Variants in BCAR1 observed in about 807,000 individuals in gnomAD.
BCAR1 encodes breast cancer anti-estrogen resistance protein 1.
BCAR1 carries 30 observed loss-of-function variants against 67.6 expected under a neutral mutation model. The observed-to-expected ratio is 0.44, with a 90% confidence interval of 0.33 to 0.60. The LOEUF (loss-of-function observed/expected upper bound fraction) is 0.60. Among genes scored for constraint, BCAR1 ranks in the 20% least tolerant of loss-of-function variants. BCAR1 has a pLI of 0.02. For missense variants in BCAR1, 1,313 were observed against 1,222.3 expected (o/e 1.07, Z -1.11); for synonymous variants, 626 against 556.7 (o/e 1.12, Z -1.75).
At position 75,229,250 on chromosome 16, in the gene BCAR1, C is replaced by G. The variant is rs192598389; in HGVS notation, c.*261G>C. 3.1e-5 allele frequency: 15 copies of G among 491,582 alleles called. No homozygotes were observed. The Admixed American group carries it at 5.3e-4, about 17-fold the overall frequency. The allele number at this position is 491,582 out of a possible 1,614,324, so 30.5% of individuals were successfully genotyped here. The stretch of plus-strand genomic sequence containing the variant: ...CTGCAGGACCCTCACACTCCAGCCC[C>G]GTCTGGTGACCCAACCCGGGCCCGT... On this transcript the variant is annotated 3_prime_UTR_variant, in exon 7 of 7. Coordinates refer to ENST00000162330, the MANE Select transcript of BCAR1 (RefSeq NM_014567.5).
At chr16:75,248,249 TCCTGTCCACGCCC>T in intron 1 of BCAR1, 1 of 1,485,398 alleles carries the variant, frequency 6.7e-7, no homozygotes, top group Non-Finnish European at 8.9e-7. Context: ...TTCCCACCCC[TCCTGTCCACGCCC>T]CCAACGCACA....
At chr16:75,265,934 C>G (rs1597296987) in intron 1 of BCAR1, 19 of 1,094,468 alleles carry the variant, frequency 1.7e-5, no homozygotes, top group Non-Finnish European at 2.1e-5. Flanking sequence ...GGGGTCCCGG[C>G]GCTTTCCGGC....
intron 2 of BCAR1, chr16:75,238,856 CG>C (rs2077235780): frequency 2.0e-6 from 2 of 985,280 alleles, no homozygotes; most frequent in Admixed American, 1.2e-4. Context: ...CCTCGAGGCA[CG>C]GCCTGAGGCT....
At chr16:75,257,590 G>A (rs1597277896) in intron 1 of BCAR1, among the ~76,000 whole-genome samples, 2 of 152,228 alleles carry the variant, frequency 1.3e-5, no homozygotes, top group East Asian at 1.9e-4. Flanking sequence ...GACTAGCTGG[G>A]TCTACAGGTG....
At chr16:75,236,583 C>A in intron 4 of BCAR1, 1 of 473,650 alleles carries the variant, frequency 2.1e-6, no homozygotes, top group Non-Finnish European at 3.6e-6. Flanking sequence ...ATTACTAGTC[C>A]CCCCTTCACT....
Position 75,242,970 on chromosome 16 carries a change from G to C in BCAR1, c.133C>G (p.Leu45Val). Residue 45 changes from leucine (L) to valine (V), a missense_variant, in exon 2 of 7, where the codon CTC (leucine) becomes GTC (valine). Physicochemically the swap from Leu to Val is conservative, Grantham distance 32. This residue lies in a region of BCAR1 where 41 missense variants were observed against 84.8 expected (regional missense o/e 0.48). Coordinates refer to ENST00000162330, the MANE Select transcript of BCAR1 (RefSeq NM_014567.5). Reference protein sequence around the residue: ...QDTQGLDGWWLCSLHGRQGIV... With the variant: ...QDTQGLDGWWVCSLHGRQGIV... Reference sequence around the variant, plus strand: ...CCCTGGCGCCCATGCAGCGAGCAGAGCCACCAGCCGTCCAGGCCCTGCGTG... The same window carrying C: ...CCCTGGCGCCCATGCAGCGAGCAGACCCACCAGCCGTCCAGGCCCTGCGTG... 3 of 1,613,440 alleles carry C rather than the reference G, an allele frequency of 1.9e-6. No homozygotes were observed. Among genetic ancestry groups the C allele is most frequent in the Non-Finnish European group, 2.5e-6 (3 of 1,179,930 alleles).
intron 1 of BCAR1, chr16:75,266,860 C>G (rs1409261902): frequency 8.6e-7 from 1 of 1,166,126 alleles, no homozygotes; most frequent in Non-Finnish European, 1.1e-6. Context: ...ACGGAGCCAG[C>G]TCCATGAGGC....
chr16:75,247,625 G>A (rs1246654415), intron 1 of BCAR1: 6 of 170,640 alleles, frequency 3.5e-5, no homozygotes, highest in African/African-American at 1.2e-4. Context: ...TGGTGTCGGC[G>A]AGTGGTAAGG....
chr16:75,262,262 A>G (rs1383204142), intron 1 of BCAR1, among the ~76,000 whole-genome samples: 1 of 152,226 alleles, frequency 6.6e-6, no homozygotes, highest in Non-Finnish European at 1.5e-5. Context: ...CTGGGGCCAC[A>G]TACTCAGCAG....
chr16:75,251,453 C>G lies in BCAR1; in HGVS notation c.12+18G>C, dbSNP rs1426140536. 2.5e-5 allele frequency: 37 copies of G among 1,458,908 alleles called. No individual in the cohort carries two copies. The highest frequency in any genetic ancestry group is 3.3e-5 in the Non-Finnish European group (37 of 1,105,520). 90.4% of individuals were successfully genotyped at this position (1,458,908 alleles called of 1,614,324 possible). ...CCTCCAAGCCCGTACGCGGCCCGGC[C>G]CCACCTGGCGCCCTCACCAGGTGGT... On this transcript the variant is annotated intron_variant, in intron 1 of 6. Transcript: ENST00000162330.
At chr16:75,248,059 T>A (rs760759021) in intron 1 of BCAR1, 1 of 1,545,030 alleles carries the variant, frequency 6.5e-7, no homozygotes, top group South Asian at 1.1e-5. Context: ...ATTACCTCCA[T>A]CTTACTAGAC....
chr16:75,260,760 T>C (rs990494916), intron 1 of BCAR1, among the ~76,000 whole-genome samples: 14 of 20,338 alleles, frequency 6.9e-4, no homozygotes, highest in African/African-American at 1.6e-3. Context: ...AAAATACATT[T>C]GGCATTACAA....
chr16:75,252,494 G>A, upstream of BCAR1: 2 of 1,215,776 alleles, frequency 1.6e-6, no homozygotes, highest in Non-Finnish European at 2.2e-6. Context: ...TCGGTTGCAG[G>A]TCAGTGACTG....
intron 1 of BCAR1, chr16:75,266,707 C>T: frequency 7.1e-7 from 1 of 1,399,244 alleles, no homozygotes; most frequent in Non-Finnish European, 9.4e-7. Flanking sequence ...GCACTGAGAT[C>T]CCTCACCCAC....
chr16:75,265,869 C>T (rs2077999132), intron 1 of BCAR1: 5 of 1,157,708 alleles, frequency 4.3e-6, no homozygotes, highest in Non-Finnish European at 4.3e-6. Flanking sequence ...TGGCGGGCAG[C>T]GGCGCCAGCG....
intron 2 of BCAR1, among the ~76,000 whole-genome samples, chr16:75,237,691 G>A (rs2077189839): frequency 6.6e-6 from 1 of 152,184 alleles, no homozygotes; most frequent in South Asian, 2.1e-4. Flanking sequence ...TGGCTCTGGA[G>A]GGCACTACCC....
chr16:75,266,352 C>T (rs956717314), intron 1 of BCAR1: 4 of 168,404 alleles, frequency 2.4e-5, no homozygotes, highest in Non-Finnish European at 5.1e-5. Context: ...AGCCCCGAGA[C>T]CCCCAGGGAA....
intron 2 of BCAR1, among the ~76,000 whole-genome samples, chr16:75,239,916 C>G (rs562836684): frequency 6.6e-6 from 1 of 152,338 alleles, no homozygotes; most frequent in East Asian, 1.9e-4. Flanking sequence ...CCATGGCTGT[C>G]TCCTTAGACA....
chr16:75,239,144 G>A (rs2077246307), intron 2 of BCAR1: 1 of 977,772 alleles, frequency 1.0e-6, no homozygotes, highest in Non-Finnish European at 1.2e-6. Flanking sequence ...GCCACCAGGG[G>A]GAAAAGCTCT....
Sources: gnomAD v4.1 joint callset for allele counts (sites outside exome capture counted in the v4.1 genomes callset) on GRCh38, gnomAD v4.1.1 for gene constraint, gnomAD v4.1.1 regional missense constraint, MANE v1.5 for transcripts, NCBI Gene and HGNC (gene_info 2026-07-23, HGNC 2026-07-21) for gene names.